The following MAD1L1 variants were observed in gnomAD, a reference collection of about 807,000 sequenced individuals.
MAD1L1 encodes the protein mitotic spindle assembly checkpoint protein MAD1.
MAD1L1 carries 95 observed loss-of-function variants against 96.9 expected under a neutral mutation model. The observed-to-expected ratio is 0.98, with a 90% CI of 0.83 to 1.16. The LOEUF (loss-of-function observed/expected upper bound fraction) is 1.16. MAD1L1 is among the 50% of genes most tolerant of loss of function. The pLI is 0.00. For missense variants in MAD1L1, 1,007 were observed against 954.4 expected (o/e 1.06, Z -0.73); for synonymous variants, 473 against 396.6 (o/e 1.19, Z -2.29).
chr7:2,064,427 G>A (rs150284438), intron 12 of MAD1L1, among the ~76,000 whole-genome samples: 80 of 152,336 alleles, frequency 5.3e-4, no homozygotes, highest in African/African-American at 1.9e-3. Flanking sequence ...GCATGGAGAG[G>A]AGGCCTCAGG....
intron 10 of MAD1L1, among the ~76,000 whole-genome samples, chr7:2,152,711 T>C (rs1789638866): frequency 6.6e-6 from 1 of 152,138 alleles, no homozygotes; most frequent in Non-Finnish European, 1.5e-5. Flanking sequence ...TTCCTAAGGC[T>C]CACTTCCAAA....
intron 11 of MAD1L1, among the ~76,000 whole-genome samples, chr7:2,148,939 C>T (rs554835403): frequency 5.9e-5 from 9 of 152,296 alleles, no homozygotes; most frequent in East Asian, 1.9e-4. Flanking sequence ...GAACGATGGA[C>T]GGTGGTGCCT....
intron 11 of MAD1L1, among the ~76,000 whole-genome samples, chr7:2,069,878 G>C (rs1409110072): frequency 6.6e-6 from 1 of 152,250 alleles, no homozygotes; most frequent in African/African-American, 2.4e-5. Flanking sequence ...CCTTCGGGTG[G>C]CTGATGGTTC....
chr7:1,866,431 A>G (rs11976898), intron 18 of MAD1L1, among the ~76,000 whole-genome samples: 6,344 of 144,056 alleles, frequency 0.044, 423 homozygotes, highest in African/African-American at 0.15. Flanking sequence ...TGAGGCCGTA[A>G]CATGCTCCCA....
At chr7:1,889,909 G>A (rs573891058) in intron 18 of MAD1L1, among the ~76,000 whole-genome samples, 110 of 152,332 alleles carry the variant, frequency 7.2e-4, no homozygotes, top group African/African-American at 2.4e-3. Context: ...GCCACAGCTC[G>A]TCAGGGGCCA....
chr7:2,226,087 G>T (rs965098817), intron 3 of MAD1L1, among the ~76,000 whole-genome samples: 8 of 152,130 alleles, frequency 5.3e-5, no homozygotes, highest in Admixed American at 2.0e-4. Context: ...TCCCTCTCCT[G>T]CTATGTCTCT....
intron 12 of MAD1L1, among the ~76,000 whole-genome samples, chr7:2,059,913 G>A (rs973511771): frequency 3.3e-5 from 5 of 152,114 alleles, no homozygotes; most frequent in African/African-American, 9.7e-5. Context: ...GTTCAAATAC[G>A]CAGGGCAGAA....
chr7:1,959,468 G>C (rs983494740), intron 15 of MAD1L1, among the ~76,000 whole-genome samples: 2 of 152,128 alleles, frequency 1.3e-5, no homozygotes, highest in African/African-American at 4.8e-5. Flanking sequence ...CAACAGACAC[G>C]AGGCAGCGCA....
At chr7:2,052,104 C>T (rs1221193375) in intron 12 of MAD1L1, among the ~76,000 whole-genome samples, 1 of 152,136 alleles carries the variant, frequency 6.6e-6, no homozygotes, top group Non-Finnish European at 1.5e-5. Context: ...GGCCAAGACC[C>T]ACGCTCCGCA....
intron 18 of MAD1L1, among the ~76,000 whole-genome samples, chr7:1,877,898 T>A (rs1785465788): frequency 6.6e-6 from 1 of 151,872 alleles, no homozygotes; most frequent in Non-Finnish European, 1.5e-5. Flanking sequence ...AAGCAAAACC[T>A]GACAGATCTG....
At chr7:2,048,670 C>T (rs1032217055) in intron 12 of MAD1L1, among the ~76,000 whole-genome samples, 2 of 152,234 alleles carry the variant, frequency 1.3e-5, no homozygotes, top group African/African-American at 4.8e-5. Context: ...CCCCTCCGCC[C>T]CTCTGTGAAG....
Position 1,968,968 on chromosome 7 carries a change from T to C in MAD1L1, c.1506-11249A>G, listed in dbSNP as rs1255806026. On this transcript the variant is annotated intron_variant, in intron 15 of 18. Transcript: ENST00000265854. The surrounding 1 kb of genome is among the most constrained non-coding windows in gnomAD (Gnocchi z 5.6). ...AGTCACACGCCGGTGACGAGCACCA[T>C]GGCAGCGTGAGATGTCAACAGCGAG... Among the ~76,000 whole-genome samples the C allele has an allele frequency of 2.0e-5, 3 of 152,190 alleles. No homozygotes were observed. Among genetic ancestry groups the C allele is most frequent in the Non-Finnish European group, 4.4e-5 (3 of 68,046 alleles).
chr7:1,884,384 C>T (rs894349366), intron 18 of MAD1L1, among the ~76,000 whole-genome samples: 2 of 152,204 alleles, frequency 1.3e-5, no homozygotes, highest in African/African-American at 4.8e-5. Flanking sequence ...GCTTGGGAAG[C>T]CTGAGGTGAG....
chr7:1,988,067 G>C (rs879736330), intron 14 of MAD1L1, among the ~76,000 whole-genome samples: 1 of 152,236 alleles, frequency 6.6e-6, no homozygotes, highest in Non-Finnish European at 1.5e-5. Context: ...GGCGAGGAGC[G>C]GCAGGAGGCC....
intron 16 of MAD1L1, among the ~76,000 whole-genome samples, chr7:1,938,640 C>A (rs1241873835): frequency 6.6e-6 from 1 of 152,226 alleles, no homozygotes; most frequent in Non-Finnish European, 1.5e-5. Flanking sequence ...CTCTAAAAAT[C>A]TGCAAAACAT....
chr7:2,200,176 T>C (rs1272796457), intron 10 of MAD1L1: 1 of 152,162 alleles, frequency 6.6e-6, no homozygotes, highest in Non-Finnish European at 1.5e-5. Flanking sequence ...TACGCTAACA[T>C]AGCACGCGGG....
chr7:2,016,904 A>G (rs958533524), intron 12 of MAD1L1, among the ~76,000 whole-genome samples: 1 of 152,242 alleles, frequency 6.6e-6, no homozygotes, highest in African/African-American at 2.4e-5. Context: ...TTATCGTTTC[A>G]AGCCAGTTAC....
chr7:2,137,742 C>T (rs117188459), intron 11 of MAD1L1, among the ~76,000 whole-genome samples: 3,828 of 152,300 alleles, frequency 0.025, 65 homozygotes, highest in Non-Finnish European at 0.04. Context: ...CAGGCCAGAT[C>T]CACAACCGGA....
At position 2,105,127 on chromosome 7, in the gene MAD1L1, C is replaced by T. The variant is rs372188857; in HGVS notation, c.1074-35789G>A. ...CGGGAAGAAACTGGCTGTGCCTCTG[C>T]AGCCCGGGAGAGCCTCACTCTCTGA... On this transcript the variant is annotated intron_variant, in intron 11 of 18. Coordinates refer to ENST00000265854, the MANE Select transcript of MAD1L1 (RefSeq NM_001013836.2). 6.6e-5 allele frequency among the ~76,000 whole-genome samples: 10 copies of T among 152,286 alleles called. No individual in the cohort carries two copies. In the South Asian group the frequency reaches 1.7e-3, roughly 25 times the overall value.
Sources: gnomAD v4.1 joint callset for allele counts (sites outside exome capture counted in the v4.1 genomes callset) on GRCh38, gnomAD v4.1.1 for gene constraint, Gnocchi (gnomAD v3.1) non-coding constraint, MANE v1.5 for transcripts, NCBI Gene and HGNC (gene_info 2026-07-23, HGNC 2026-07-21) for gene names.